ANKRD17: variants seen among roughly 807,000 people sequenced by gnomAD.
ANKRD17 encodes ankyrin repeat domain 17, also known as ankyrin repeat domain-containing protein 17.
ANKRD17 carries 19 observed loss-of-function variants against 229.7 expected under a neutral mutation model. That is an observed-to-expected ratio of 0.08 (90% CI 0.06 to 0.12). The LOEUF (loss-of-function observed/expected upper bound fraction) is 0.12. Ranked by LOEUF, ANKRD17 falls within the 10% of genes least tolerant of loss-of-function variation. The pLI is 1.00. For missense variants in ANKRD17, 2,176 were observed against 3,176.8 expected (o/e 0.68, Z 7.57); for synonymous variants, 1,112 against 1,146.1 (o/e 0.97, Z 0.60).
intron 29 of ANKRD17, among the ~76,000 whole-genome samples, chr4:73,086,288 T>C (rs1038235904): frequency 5.9e-5 from 9 of 152,128 alleles, no homozygotes; most frequent in African/African-American, 2.2e-4. Context: ...CAGATGTTCC[T>C]ATTTCAAAAA....
chr4:73,188,143 A>T (rs1736541801), intron 1 of ANKRD17, among the ~76,000 whole-genome samples: 1 of 152,166 alleles, frequency 6.6e-6, no homozygotes, highest in African/African-American at 2.4e-5. Flanking sequence ...GAAAGAAACT[A>T]AAACTTAGCT....
Position 73,254,819 on chromosome 4 carries a change from A to C in ANKRD17, c.393+3457T>G, listed in dbSNP as rs548996655. On this transcript the variant is annotated intron_variant, in intron 1 of 33. Coordinates refer to ENST00000358602, the MANE Select transcript of ANKRD17 (RefSeq NM_032217.5). ...TACTAAGATCATTCAGTCATATTCA[A>C]AAATGCATTCAATAGAATGCAATGT... Among the ~76,000 whole-genome samples, 18 of 152,268 alleles carry C rather than the reference A, an allele frequency of 1.2e-4. No homozygotes were observed. The South Asian group carries it at 2.9e-3, about 25-fold the overall frequency.
At chr4:73,158,152 A>AAAATAAAGAAAGAAAGAAAGAAAG (rs1731955605) in intron 3 of ANKRD17, among the ~76,000 whole-genome samples, 3 of 128,708 alleles carry the variant, frequency 2.3e-5, no homozygotes, top group Admixed American at 1.7e-4. Context: ...GAAAGGAAGA[A>AAAATAAAGAAAGAAAGAAAGAAAG]AAAGAAAGAA....
Position 73,098,455 on chromosome 4 carries a change from T to C in ANKRD17, c.4639A>G (p.Thr1547Ala). The C allele has an allele frequency of 6.2e-7, 1 of 1,614,216 alleles. No individual in the cohort carries two copies. The highest frequency in any genetic ancestry group is 1.6e-4 in the Middle Eastern group (1 of 6,062). The change falls in exon 26 of 34, where the codon ACC becomes GCC. Residue 1547 changes from threonine (T) to alanine (A), a missense_variant. Physicochemically the swap from Thr to Ala is moderately conservative, Grantham distance 58 (BLOSUM62 0). Transcript: ENST00000358602. Reference protein sequence around the residue: ...TTTTTIGISATWTTLAGSHGK... With the variant: ...TTTTTIGISAAWTTLAGSHGK... ...TGAGAACCTGCCAAAGTTGTCCAGG[T>C]TGCAGATATACCTATGGTAGTAGTG...
chr4:73,099,260 C>A, intron 25 of ANKRD17: 2 of 550,806 alleles, frequency 3.6e-6, no homozygotes, highest in Non-Finnish European at 3.4e-6. Flanking sequence ...ACCACTGCCT[C>A]CGGCTGCCAC....
At chr4:73,238,223 C>T (rs1743683105) in intron 1 of ANKRD17, among the ~76,000 whole-genome samples, 1 of 151,968 alleles carries the variant, frequency 6.6e-6, no homozygotes, top group Non-Finnish European at 1.5e-5. Flanking sequence ...AACATTAGGT[C>T]ACCTAACCTC....
At position 73,223,080 on chromosome 4, in the gene ANKRD17, C is replaced by T. The variant is rs1742075183; in HGVS notation, c.393+35196G>A. On this transcript the variant is annotated intron_variant, in intron 1 of 33. Transcript: ENST00000358602. Reference sequence around the variant, plus strand: ...TGCACTATGATTAGATCATTGCCAGCAGGAACACTCCTCTGTGTCAGCAAG... The same window carrying T: ...TGCACTATGATTAGATCATTGCCAGTAGGAACACTCCTCTGTGTCAGCAAG... The T allele has an allele frequency of 2.0e-6, 3 of 1,525,002 alleles. No homozygotes were observed. In the African/African-American group the frequency reaches 4.1e-5, roughly 21 times the overall value. 94.5% of individuals were successfully genotyped at this position (1,525,002 alleles called of 1,614,324 possible). A position where few individuals can be genotyped will look rare whatever the true frequency, so the allele number is the denominator to read the frequency against.
intron 4 of ANKRD17, 90 bp downstream of exon 4, chr4:73,155,929 A>C: frequency 6.7e-7 from 1 of 1,499,028 alleles, no homozygotes. Flanking sequence ...AATAATCCTA[A>C]TGGTTGGAAG....
chr4:73,174,817 T>G (rs1296985092), intron 2 of ANKRD17, among the ~76,000 whole-genome samples: 1 of 152,096 alleles, frequency 6.6e-6, no homozygotes, highest in African/African-American at 2.4e-5. Context: ...CTAATGCCAT[T>G]TACAATAGCT....
intron 1 of ANKRD17, among the ~76,000 whole-genome samples, chr4:73,256,172 C>T (rs939800097): frequency 6.6e-6 from 1 of 152,148 alleles, no homozygotes; most frequent in African/African-American, 2.4e-5. Context: ...ATAACCATTC[C>T]TATATTACAA....
chr4:73,226,265 G>A lies in ANKRD17; in HGVS notation c.393+32011C>T, dbSNP rs186349991. Among the ~76,000 whole-genome samples the A allele has an allele frequency of 3.7e-3, 569 of 151,786 alleles. 3 individuals are homozygous for A. The highest frequency in any genetic ancestry group is 0.013 in the African/African-American group (540 of 41,396). On this transcript the variant is annotated intron_variant, in intron 1 of 33. Coordinates refer to ENST00000358602, the MANE Select transcript of ANKRD17 (RefSeq NM_032217.5). ...GCTGGGATAACAGGCGTGAGCCACC[G>A]CGCCCGCCAGCATTTTTTGATTAAA...
At chr4:73,251,395 T>C (rs2149283406) in intron 1 of ANKRD17, among the ~76,000 whole-genome samples, 1 of 152,314 alleles carries the variant, frequency 6.6e-6, no homozygotes, top group Middle Eastern at 3.4e-3. Context: ...GAAGCACTGT[T>C]AAGTCAGAAA....
In ANKRD17 at chr4:73,203,491, C is replaced by T. The variant is rs141635001; in HGVS notation, c.394-25958G>A. ...AAATAATGTGGGCTGGGCGCGATGGCTCACACCTGTAATCCCAGCACTTTG... is the reference window on the plus strand; with the variant it reads ...AAATAATGTGGGCTGGGCGCGATGGTTCACACCTGTAATCCCAGCACTTTG... On this transcript the variant is annotated intron_variant, in intron 1 of 33. Transcript: ENST00000358602. Among the ~76,000 whole-genome samples the T allele has an allele frequency of 2.9e-3, 437 of 152,276 alleles. 4 individuals carry two copies. Among genetic ancestry groups the T allele is most frequent in the African/African-American group, 9.9e-3 (411 of 41,566 alleles).
intron 7 of ANKRD17, 34 bp from the exon 8 acceptor site, chr4:73,149,084 C>T: frequency 1.3e-6 from 2 of 1,569,306 alleles, no homozygotes; most frequent in East Asian, 2.3e-5. Flanking sequence ...ATTAAATCAG[C>T]ACCATTAAAA....
intron 24 of ANKRD17, among the ~76,000 whole-genome samples, chr4:73,103,586 A>C (rs1403532995): frequency 6.6e-6 from 1 of 152,214 alleles, no homozygotes; most frequent in Non-Finnish European, 1.5e-5. Context: ...CATCTAAAAG[A>C]TGTTTTTTAA....
intron 1 of ANKRD17, among the ~76,000 whole-genome samples, chr4:73,179,520 T>TATATA (rs1560666346): frequency 4.9e-4 from 25 of 50,944 alleles, no homozygotes; most frequent in African/African-American, 1.4e-3. Context: ...ATATATATAT[T>TATATA]TTTTTTTTTT....
At chr4:73,097,602 TA>T (rs1016564708) in intron 26 of ANKRD17, among the ~76,000 whole-genome samples, 18 of 148,624 alleles carry the variant, frequency 1.2e-4, no homozygotes, top group East Asian at 2.0e-4. Flanking sequence ...ATTGGCTAAT[TA>T]AAAAAAAAAA....
chr4:73,218,558 G>A (rs896333212), intron 1 of ANKRD17, among the ~76,000 whole-genome samples: 4 of 148,360 alleles, frequency 2.7e-5, no homozygotes, highest in Admixed American at 6.8e-5. Flanking sequence ...CAAGAGAATC[G>A]CTTCAACCCC....
intron 1 of ANKRD17, among the ~76,000 whole-genome samples, chr4:73,203,774 A>AG (rs1328854070): frequency 1.9e-3 from 281 of 150,946 alleles, no homozygotes; most frequent in Middle Eastern, 6.8e-3. Flanking sequence ...AAAAAAAAAA[A>AG]AAAAAGAAAA....
Sources: gnomAD v4.1 joint callset for allele counts (sites outside exome capture counted in the v4.1 genomes callset) on GRCh38, gnomAD v4.1.1 for gene constraint, MANE v1.5 for transcripts, NCBI Gene and HGNC (gene_info 2026-07-23, HGNC 2026-07-21) for gene names.